The following MCTP1 variants were observed in gnomAD, a reference collection of about 807,000 sequenced individuals.
MCTP1 encodes the protein multiple C2 and transmembrane domain containing 1.
In MCTP1, 69 loss-of-function variants were observed where a neutral mutation model predicts 120.6. The ratio of observed to expected loss-of-function variants is 0.57; its 90% CI spans 0.47 to 0.70. The LOEUF (loss-of-function observed/expected upper bound fraction) is 0.70, where lower values mean the gene tolerates loss of function less well. MCTP1 is among the 30% of genes least tolerant of loss of function. The pLI, the probability that MCTP1 is intolerant of heterozygous loss-of-function variation, is 0.00. For synonymous variants in MCTP1, 529 were observed against 493.1 expected, an observed-to-expected ratio of 1.07 and a Z score of -0.96; for missense variants, 1,203 against 1,248.8, an observed-to-expected ratio of 0.96 and a Z score of 0.55.
intron 1 of MCTP1, among the ~76,000 whole-genome samples, chr5:95,071,925 G>T (rs1474744739): frequency 6.6e-6 from 1 of 152,104 alleles, no homozygotes; most frequent in East Asian, 1.9e-4. Context: ...TAAACAACAG[G>T]TAGAAATATA....
intron 17 of MCTP1, chr5:94,867,354 C>G: frequency 2.0e-6 from 3 of 1,533,158 alleles, no homozygotes; most frequent in African/African-American, 1.4e-5. Context: ...TCCATGTGCT[C>G]AGACATTAAT....
intron 4 of MCTP1, 66 bp from the exon 5 acceptor site, chr5:94,940,261 A>C: frequency 1.2e-6 from 1 of 847,384 alleles, no homozygotes; most frequent in Non-Finnish European, 1.8e-6. Flanking sequence ...ATTTTTATTA[A>C]TGCTTTATTA....
chr5:94,760,065 A>C (rs1002330213), intron 19 of MCTP1, among the ~76,000 whole-genome samples: 36 of 151,834 alleles, frequency 2.4e-4, no homozygotes, highest in Admixed American at 3.9e-4. Flanking sequence ...AAATCAAGTA[A>C]ATCTATCAGT....
chr5:94,930,343 T>C (rs548520567), intron 6 of MCTP1, among the ~76,000 whole-genome samples: 67 of 147,712 alleles, frequency 4.5e-4, no homozygotes, highest in African/African-American at 1.7e-3. Context: ...GCATGATCTC[T>C]GCTCACTGCA....
At chr5:95,116,088 A>C (rs979068703) in intron 1 of MCTP1, among the ~76,000 whole-genome samples, 5 of 152,108 alleles carry the variant, frequency 3.3e-5, no homozygotes, top group Non-Finnish European at 5.9e-5. Context: ...AGAAATAAAC[A>C]CTTTCCCAGA....
At chr5:94,807,518 C>T (rs1416007599) in intron 17 of MCTP1, among the ~76,000 whole-genome samples, 1 of 152,074 alleles carries the variant, frequency 6.6e-6, no homozygotes, top group Non-Finnish European at 1.5e-5. Context: ...TAGTTAGAAG[C>T]CAATGAAAGC....
At chr5:95,198,287 G>A (rs1344650058) in intron 1 of MCTP1, among the ~76,000 whole-genome samples, 1 of 152,010 alleles carries the variant, frequency 6.6e-6, no homozygotes, top group Admixed American at 6.6e-5. Flanking sequence ...TACTTATACA[G>A]ATGGTCTCCA....
intron 11 of MCTP1, among the ~76,000 whole-genome samples, chr5:94,892,619 A>T (rs1802934576): frequency 6.6e-6 from 1 of 152,222 alleles, no homozygotes; most frequent in African/African-American, 2.4e-5. Context: ...ATCCTTAGCA[A>T]TGAACAGCTA....
intron 2 of MCTP1, among the ~76,000 whole-genome samples, chr5:94,998,665 A>G (rs563174159): frequency 5.9e-5 from 9 of 152,274 alleles, no homozygotes; most frequent in African/African-American, 2.2e-4. Context: ...TAGAGACTCT[A>G]AGCTGGTTCT....
chr5:94,780,880 T>A (rs1007224377), intron 18 of MCTP1, among the ~76,000 whole-genome samples: 3 of 152,176 alleles, frequency 2.0e-5, no homozygotes, highest in Non-Finnish European at 2.9e-5. Context: ...GCTTTCATGT[T>A]AACCTTTCAT....
chr5:95,204,200 T>C (rs1263356689), intron 1 of MCTP1, among the ~76,000 whole-genome samples: 1 of 152,116 alleles, frequency 6.6e-6, no homozygotes, highest in Non-Finnish European at 1.5e-5. Flanking sequence ...CTTATAACCC[T>C]ACAAGTCAGT....
Position 95,283,830 on chromosome 5 carries a change from T to C in MCTP1, c.720+26A>G. 4 of 1,197,812 alleles carry C rather than the reference T, an allele frequency of 3.3e-6. No homozygotes were observed. The South Asian group carries it at 8.9e-5, about 27-fold the overall frequency. 74.2% of individuals were successfully genotyped at this position (1,197,812 alleles called of 1,614,324 possible). ...GGGAGGCGTGGTCCCGCGCACCTTGTCTCCGGCCGCGCCACCGGCACTCAC... is the reference window on the plus strand; with the variant it reads ...GGGAGGCGTGGTCCCGCGCACCTTGCCTCCGGCCGCGCCACCGGCACTCAC... On this transcript the variant is annotated intron_variant, in intron 1 of 22. Coordinates refer to ENST00000515393, the MANE Select transcript of MCTP1 (RefSeq NM_024717.7).
At chr5:94,727,710 C>A (rs1274205156) in intron 19 of MCTP1, among the ~76,000 whole-genome samples, 1 of 152,118 alleles carries the variant, frequency 6.6e-6, no homozygotes, top group Non-Finnish European at 1.5e-5. Flanking sequence ...CTTGAATCCA[C>A]CAAATGAGAA....
chr5:95,114,716 G>GC (rs765141940), intron 1 of MCTP1, among the ~76,000 whole-genome samples: 21 of 152,348 alleles, frequency 1.4e-4, no homozygotes, highest in Non-Finnish European at 2.9e-4. Context: ...CTCTGGACCT[G>GC]CCCAGGGCCT....
intron 18 of MCTP1, among the ~76,000 whole-genome samples, chr5:94,781,794 C>T (rs1227216729): frequency 6.6e-6 from 1 of 152,126 alleles, no homozygotes; most frequent in Non-Finnish European, 1.5e-5. Flanking sequence ...GGGTAATTGG[C>T]TACGCACAAT....
chr5:95,121,277 CAAAAAAAAA>C (rs34423597), intron 1 of MCTP1, among the ~76,000 whole-genome samples: 24 of 35,068 alleles, frequency 6.8e-4, no homozygotes, highest in African/African-American at 3.1e-3. Flanking sequence ...GACTCCATCA[CAAAAAAAAA>C]AAAAAAAAAA....
chr5:94,779,582 A>G (rs1580647351), intron 18 of MCTP1, among the ~76,000 whole-genome samples: 1 of 152,186 alleles, frequency 6.6e-6, no homozygotes, highest in Admixed American at 6.5e-5. Context: ...TCTAAGATTA[A>G]AAAACCATGT....
At chr5:94,824,103 G>A (rs955856488) in intron 17 of MCTP1, among the ~76,000 whole-genome samples, 3 of 152,208 alleles carry the variant, frequency 2.0e-5, no homozygotes, top group Admixed American at 6.5e-5. Flanking sequence ...TGGTGAGAGA[G>A]GGCATCCTTG....
chr5:94,846,531 C>A (rs1792408942), intron 17 of MCTP1, among the ~76,000 whole-genome samples: 2 of 152,076 alleles, frequency 1.3e-5, no homozygotes, highest in South Asian at 4.1e-4. Context: ...GCGAAAGGAT[C>A]AGAAAAAATA....
Sources: allele counts gnomAD v4.1 joint callset (sites outside exome capture counted in the v4.1 genomes callset), GRCh38; gene constraint gnomAD v4.1.1; transcripts MANE v1.5; gene names NCBI Gene and HGNC (gene_info 2026-07-23, HGNC 2026-07-21).